Variants in CSMD1 observed in about 807,000 individuals in gnomAD.
CSMD1 encodes CUB and sushi domain-containing protein 1.
Under a neutral mutation model 417.5 loss-of-function variants are expected in CSMD1, and 213 were observed. That is an observed-to-expected ratio of 0.51 (90% CI 0.46 to 0.57). The LOEUF is 0.57. Among genes scored for constraint, CSMD1 ranks in the 20% least tolerant of loss-of-function variants. The pLI is 0.00. For missense variants in CSMD1, 6,923 were observed against 4,529.7 expected (o/e 1.53, Z -15.17); for synonymous variants, 2,862 against 1,736.8 (o/e 1.65, Z -16.11).
At chr8:4,627,806 G>T (rs1008879230) in intron 2 of CSMD1, among the ~76,000 whole-genome samples, 3 of 152,084 alleles carry the variant, frequency 2.0e-5, no homozygotes, top group Non-Finnish European at 4.4e-5. Flanking sequence ...CATATGAATA[G>T]TATAGGAATA....
intron 5 of CSMD1, among the ~76,000 whole-genome samples, chr8:3,923,300 T>A (rs1809408106): frequency 6.6e-6 from 1 of 152,132 alleles, no homozygotes. Flanking sequence ...CCCTTCCCCA[T>A]TTGGGGAGTT....
rs370543055 is a variant in CSMD1, at chr8:3,959,324, C to G, written c.818+38579G>C. On this transcript the variant is annotated intron_variant, in intron 5 of 69. Coordinates refer to ENST00000635120, the MANE Select transcript of CSMD1 (RefSeq NM_033225.6). Reference sequence around the variant, plus strand: ...TCAGCCTGGGCAACATGGCAAAAAACCCTGTCTCTACTAAAAATACAAAAA... The same window carrying G: ...TCAGCCTGGGCAACATGGCAAAAAAGCCTGTCTCTACTAAAAATACAAAAA... Among the ~76,000 whole-genome samples, 681 of 152,232 alleles carry G rather than the reference C, an allele frequency of 4.5e-3. 4 individuals carry two copies. Among genetic ancestry groups the G allele is most frequent in the African/African-American group, 0.016 (658 of 41,546 alleles).
At chr8:4,415,608 G>C (rs529609004) in intron 3 of CSMD1, among the ~76,000 whole-genome samples, 14 of 152,220 alleles carry the variant, frequency 9.2e-5, no homozygotes, top group African/African-American at 3.4e-4. Context: ...TCCTTCACTA[G>C]TCACTGACAA....
At chr8:4,734,036 G>C (rs1432021151) in intron 1 of CSMD1, among the ~76,000 whole-genome samples, 1 of 152,124 alleles carries the variant, frequency 6.6e-6, no homozygotes, top group African/African-American at 2.4e-5. Flanking sequence ...ATATTTTGAA[G>C]AATATCTTAA....
At chr8:4,921,054 A>G (rs958519726) in intron 1 of CSMD1, among the ~76,000 whole-genome samples, 1 of 150,860 alleles carries the variant, frequency 6.6e-6, no homozygotes, top group African/African-American at 2.4e-5. Context: ...GAAAGAAAAG[A>G]GAAAGAAAAG....
At chr8:4,368,030 C>T (rs998202304) in intron 3 of CSMD1, among the ~76,000 whole-genome samples, 3 of 152,100 alleles carry the variant, frequency 2.0e-5, no homozygotes, top group Non-Finnish European at 4.4e-5. Flanking sequence ...ATTGCTCTGG[C>T]TAGAACTTCC....
intron 1 of CSMD1, among the ~76,000 whole-genome samples, chr8:4,703,410 A>C (rs143546152): frequency 7.6e-4 from 116 of 152,318 alleles, no homozygotes; most frequent in African/African-American, 2.8e-3. Flanking sequence ...CATTTCTGTC[A>C]CCTGTAATTT....
Position 3,924,725 on chromosome 8 carries a change from C to T in CSMD1, c.818+73178G>A, listed in dbSNP as rs117526727. Among the ~76,000 whole-genome samples the T allele has an allele frequency of 5.4e-3, 824 of 152,048 alleles. 22 individuals are homozygous for T. Among genetic ancestry groups the T allele is most frequent in the Admixed American group, 0.042 (644 of 15,242 alleles). ...TTCTTTGTTTCATATTTATAATGTTCACCTCTTTGTTGAACTACTCATTTT... is the reference window on the plus strand; with the variant it reads ...TTCTTTGTTTCATATTTATAATGTTTACCTCTTTGTTGAACTACTCATTTT... On this transcript the variant is annotated intron_variant, in intron 5 of 69. Transcript: ENST00000635120.
At chr8:4,471,794 G>T (rs183860111) in intron 2 of CSMD1, among the ~76,000 whole-genome samples, 50 of 152,214 alleles carry the variant, frequency 3.3e-4, no homozygotes, top group Admixed American at 2.0e-3. Context: ...GCAATATATA[G>T]ATGTTAACAG....
Position 3,653,332 on chromosome 8 carries a change from G to C in CSMD1, c.1010-36535C>G, listed in dbSNP as rs531153388. On this transcript the variant is annotated intron_variant, in intron 7 of 69. Transcript: ENST00000635120. The stretch of plus-strand genomic sequence containing the variant: ...GTTCTTTTGTTGTTGTTGTTGTTTT[G>C]AGATTCACTTTTGTTGTCCGGGCTG... Among the ~76,000 whole-genome samples, 11 of 152,140 alleles carry C rather than the reference G, an allele frequency of 7.2e-5. No homozygotes were observed. The South Asian group carries it at 2.3e-3, about 32-fold the overall frequency.
intron 5 of CSMD1, among the ~76,000 whole-genome samples, chr8:3,892,989 C>A (rs1806205275): frequency 6.6e-6 from 1 of 151,548 alleles, no homozygotes; most frequent in African/African-American, 2.4e-5. Context: ...TATGACATAA[C>A]AATCATGGTT....
chr8:3,876,076 G>C (rs13258918), intron 5 of CSMD1, among the ~76,000 whole-genome samples: 10,198 of 151,978 alleles, frequency 0.067, 422 homozygotes, highest in South Asian at 0.15. Context: ...AAATATACTT[G>C]TTGTCTTTTC....
chr8:4,191,815 G>C (rs893205397), intron 3 of CSMD1, among the ~76,000 whole-genome samples: 1 of 149,968 alleles, frequency 6.7e-6, no homozygotes, highest in African/African-American at 2.5e-5. Flanking sequence ...ATCTCCTATC[G>C]AATGATTTAC....
chr8:4,141,450 C>A (rs561240996), intron 3 of CSMD1, among the ~76,000 whole-genome samples: 1 of 151,234 alleles, frequency 6.6e-6, no homozygotes, highest in Admixed American at 6.6e-5. Flanking sequence ...TAGCATTTCA[C>A]GGTTTAACAC....
chr8:3,870,084 T>A (rs755212720), intron 5 of CSMD1, among the ~76,000 whole-genome samples: 1 of 152,166 alleles, frequency 6.6e-6, no homozygotes, highest in Non-Finnish European at 1.5e-5. Context: ...TAATGATTAT[T>A]AAGTTATCTA....
intron 12 of CSMD1, among the ~76,000 whole-genome samples, chr8:3,411,514 G>A (rs1053430085): frequency 6.6e-6 from 1 of 151,476 alleles, no homozygotes; most frequent in South Asian, 2.1e-4. Context: ...TCATAGCTTA[G>A]CTCCCACTTA....
chr8:4,382,269 G>C (rs541892348), intron 3 of CSMD1, among the ~76,000 whole-genome samples: 58 of 152,310 alleles, frequency 3.8e-4, no homozygotes, highest in African/African-American at 1.4e-3. Context: ...TGACCTGACA[G>C]CACTGGGGCT....
intron 2 of CSMD1, among the ~76,000 whole-genome samples, chr8:4,427,126 T>G (rs1438606492): frequency 6.6e-6 from 1 of 151,862 alleles, no homozygotes; most frequent in Non-Finnish European, 1.5e-5. Context: ...ATAGAAAGCC[T>G]CTCCTGCCAG....
At chr8:4,128,476 G>C (rs187535832) in intron 3 of CSMD1, among the ~76,000 whole-genome samples, 1 of 152,108 alleles carries the variant, frequency 6.6e-6, no homozygotes, top group Non-Finnish European at 1.5e-5. Flanking sequence ...GCTCTCCAAG[G>C]TTTAAAATTT....
Sources: allele counts gnomAD v4.1 joint callset (sites outside exome capture counted in the v4.1 genomes callset), GRCh38; gene constraint gnomAD v4.1.1; transcripts MANE v1.5; gene names NCBI Gene and HGNC (gene_info 2026-07-23, HGNC 2026-07-21).